TBCD: variants seen among roughly 807,000 people sequenced by gnomAD.
TBCD encodes the protein tubulin-specific chaperone D.
A neutral mutation model predicts 169.3 loss-of-function variants in TBCD; 105 were observed. The observed-to-expected ratio is 0.62, with a 90% CI of 0.53 to 0.73. The LOEUF is 0.73. Ranked by LOEUF, TBCD falls within the 30% of genes least tolerant of loss-of-function variation. The pLI, the probability that TBCD is intolerant of heterozygous loss-of-function variation, is 0.00. For missense variants in TBCD, 1,444 were observed against 1,600.1 expected (o/e 0.90, Z 1.66); for synonymous variants, 700 against 643.9 (o/e 1.09, Z -1.32).
At chr17:82,849,583 A>C (rs1364894992) in intron 13 of TBCD, among the ~76,000 whole-genome samples, 1 of 152,344 alleles carries the variant, frequency 6.6e-6, no homozygotes, top group East Asian at 1.9e-4. Context: ...GAAGTAAAGT[A>C]AGAACCGCGT....
rs1471226912 is a variant in TBCD, at chr17:82,781,718, C to T, written c.768C>T (p.Ala256=). ...TCACCATGGATGGGACGCTGCAGGC[C>T]CTGGTAAGTGCTGCCCGCAGGGGCT... The part of the protein sequence containing the change: ...GVITMDGTLQ[A]LAQIFKHGKR... The change falls in exon 7 of 39, where the codon GCC becomes GCT. Residue 256 remains alanine, a synonymous_variant. Transcript: ENST00000355528. 1 of 1,613,500 alleles carries T rather than the reference C, an allele frequency of 6.2e-7. No homozygotes were observed. The highest frequency in any genetic ancestry group is 1.3e-5 in the African/African-American group (1 of 74,998).
intron 23 of TBCD, among the ~76,000 whole-genome samples, chr17:82,919,104 C>T (rs577566294): frequency 2.0e-4 from 30 of 150,738 alleles, no homozygotes; most frequent in African/African-American, 5.2e-4. Flanking sequence ...TTCAAATCTG[C>T]GCAGAAGTAA....
At chr17:82,846,879 C>T (rs1192755023) in intron 13 of TBCD, among the ~76,000 whole-genome samples, 2 of 152,032 alleles carry the variant, frequency 1.3e-5, no homozygotes, top group Non-Finnish European at 2.9e-5. Flanking sequence ...AGCCGGGCCT[C>T]GGGTGTCTGG....
intron 9 of TBCD, among the ~76,000 whole-genome samples, chr17:82,802,360 C>T (rs756856407): frequency 2.6e-5 from 4 of 151,960 alleles, no homozygotes; most frequent in African/African-American, 4.8e-5. Context: ...TCCAGAGACG[C>T]GTGTTGTGTT....
chr17:82,872,707 A>C (rs2057671232), intron 14 of TBCD, among the ~76,000 whole-genome samples: 1 of 152,262 alleles, frequency 6.6e-6, no homozygotes, highest in South Asian at 2.1e-4. Context: ...CCTTACGTTG[A>C]TATCTCATTC....
chr17:82,823,169 C>G (rs1259492508), intron 13 of TBCD, among the ~76,000 whole-genome samples: 1 of 152,220 alleles, frequency 6.6e-6, no homozygotes, highest in Admixed American at 6.5e-5. Flanking sequence ...GCCGTTGGGG[C>G]TCAGTGCCGA....
At chr17:82,756,281 G>T in intron 2 of TBCD, 66 bp downstream of exon 2, 3 of 1,471,248 alleles carry the variant, frequency 2.0e-6, no homozygotes, top group Non-Finnish European at 2.8e-6. Context: ...TTGGTGTGTG[G>T]TGCTGGCACA....
chr17:82,800,276 C>T (rs570750907), intron 8 of TBCD, among the ~76,000 whole-genome samples: 2 of 152,320 alleles, frequency 1.3e-5, no homozygotes, highest in East Asian at 1.9e-4. Flanking sequence ...GTCTCCTGCT[C>T]GCAGGCTCTC....
chr17:82,876,755 G>A (rs987264772), intron 14 of TBCD, among the ~76,000 whole-genome samples: 9 of 152,242 alleles, frequency 5.9e-5, no homozygotes, highest in African/African-American at 2.2e-4. Flanking sequence ...ACACGCAACA[G>A]CAACCATTTT....
rs1185197222 is a variant in TBCD, at chr17:82,932,999, TC to T, written c.3191+270del. 19 of 484,880 alleles carry T rather than the reference TC, an allele frequency of 3.9e-5. 1 individual carries two copies. Among genetic ancestry groups the T allele is most frequent in the South Asian group, 2.6e-4 (12 of 46,538 alleles). The allele number at this position is 484,880 out of a possible 1,614,324, so 30.0% of individuals were successfully genotyped here. A position where few individuals can be genotyped will look rare whatever the true frequency, so the allele number is the denominator to read the frequency against. ...GAGGCGGGGGCCCTGCTGTGCACTCTCCCCCCAGCTATCCCACCGGGCCAGG... is the reference window on the plus strand; with the variant it reads ...GAGGCGGGGGCCCTGCTGTGCACTCTCCCCCAGCTATCCCACCGGGCCAGG... On this transcript the variant is annotated intron_variant, in intron 34 of 38. Transcript: ENST00000355528.
In TBCD at chr17:82,874,205, C is replaced by T. The variant is rs553633847; in HGVS notation, c.1475+3825C>T. ...TTCTGTCTGGGGCATGTTGGGTGGGCGTGCAAGGGGGTCCTGGGACTCCTG... is the reference window on the plus strand; with the variant it reads ...TTCTGTCTGGGGCATGTTGGGTGGGTGTGCAAGGGGGTCCTGGGACTCCTG... On this transcript the variant is annotated intron_variant, in intron 14 of 38. Coordinates refer to ENST00000355528, the MANE Select transcript of TBCD (RefSeq NM_005993.5). The surrounding 1 kb of genome is among the most constrained non-coding windows in gnomAD (Gnocchi z 5.0). Among the ~76,000 whole-genome samples, 226 of 152,136 alleles carry T rather than the reference C, an allele frequency of 1.5e-3. 3 individuals carry two copies. Among genetic ancestry groups the T allele is most frequent in the Middle Eastern group, 3.4e-3 (1 of 294 alleles).
chr17:82,791,871 G>T (rs2049757032), intron 7 of TBCD, among the ~76,000 whole-genome samples: 1 of 148,478 alleles, frequency 6.7e-6, no homozygotes, highest in Non-Finnish European at 1.5e-5. Context: ...AGGCCAGGTG[G>T]TGCGGCCTGC....
At chr17:82,783,542 T>C (rs575401187) in intron 7 of TBCD, among the ~76,000 whole-genome samples, 13 of 152,276 alleles carry the variant, frequency 8.5e-5, no homozygotes, top group Admixed American at 6.5e-5. Flanking sequence ...CAGCCGTGGA[T>C]CCATGTGCTG....
chr17:82,871,937 AAGCAGCTCGTTGTGAGGCACACG>A (rs2057598097), intron 14 of TBCD, among the ~76,000 whole-genome samples: 1 of 144,774 alleles, frequency 6.9e-6, no homozygotes, highest in African/African-American at 2.9e-5. Flanking sequence ...ACACGCTGGT[AAGCAGCTCGTTGTGAGGCACACG>A]CTGGTGTAGG....
intron 13 of TBCD, among the ~76,000 whole-genome samples, chr17:82,841,616 C>A (rs1283726163): frequency 6.6e-6 from 1 of 152,154 alleles, no homozygotes; most frequent in East Asian, 1.9e-4. Flanking sequence ...AGTCTTATGA[C>A]AAAAAACAGC....
intron 27 of TBCD, among the ~76,000 whole-genome samples, chr17:82,925,373 G>C (rs1003242698): frequency 1.3e-5 from 2 of 152,214 alleles, no homozygotes; most frequent in African/African-American, 4.8e-5. Context: ...TTTGTGCGTT[G>C]TGGAGCCGGG....
At chr17:82,867,560 C>A (rs897184864) in intron 13 of TBCD, among the ~76,000 whole-genome samples, 11 of 152,198 alleles carry the variant, frequency 7.2e-5, no homozygotes, top group African/African-American at 2.7e-4. Context: ...AGAAAGTGAA[C>A]GTGAGCAGTG....
At chr17:82,827,121 C>G (rs376712881) in intron 13 of TBCD, among the ~76,000 whole-genome samples, 7 of 152,190 alleles carry the variant, frequency 4.6e-5, no homozygotes, top group African/African-American at 1.7e-4. Context: ...TCATTCAAGT[C>G]TTATTCAAGT....
At chr17:82,777,399 C>T (rs1348041133) in intron 6 of TBCD, among the ~76,000 whole-genome samples, 3 of 152,240 alleles carry the variant, frequency 2.0e-5, no homozygotes, top group Admixed American at 1.3e-4. Flanking sequence ...CAGCTGGGCC[C>T]GGGGGACAAC....
Sources: allele counts gnomAD v4.1 joint callset (sites outside exome capture counted in the v4.1 genomes callset), GRCh38; gene constraint gnomAD v4.1.1; non-coding constraint Gnocchi (gnomAD v3.1); transcripts MANE v1.5; gene names NCBI Gene and HGNC (gene_info 2026-07-23, HGNC 2026-07-21).